Variants in ANTXR2 observed in about 807,000 individuals in gnomAD.
The protein encoded by ANTXR2 is anthrax toxin receptor 2.
A neutral mutation model predicts 73.7 loss-of-function variants in ANTXR2; 44 were observed. The observed-to-expected ratio is 0.60, with a 90% CI of 0.47 to 0.77. ANTXR2 has a LOEUF of 0.77. Among genes scored for constraint, ANTXR2 ranks in the 30% least tolerant of loss-of-function variants. ANTXR2 has a pLI of 0.00. For missense variants in ANTXR2, 604 were observed against 592.5 expected (o/e 1.02, Z -0.20); for synonymous variants, 217 against 205.9 (o/e 1.05, Z -0.46).
At chr4:79,962,921 G>C (rs1316590198) in intron 16 of ANTXR2, among the ~76,000 whole-genome samples, 1 of 152,068 alleles carries the variant, frequency 6.6e-6, no homozygotes, top group Non-Finnish European at 1.5e-5. Flanking sequence ...GTCATTAGCA[G>C]CATAATTCTA....
chr4:80,070,972 T>A (rs1734759215), intron 2 of ANTXR2, among the ~76,000 whole-genome samples: 1 of 152,040 alleles, frequency 6.6e-6, no homozygotes, highest in South Asian at 2.1e-4. Flanking sequence ...AATAAGAGAG[T>A]AAGCTGGATT....
At chr4:80,009,615 C>T (rs1241780656) in intron 11 of ANTXR2, among the ~76,000 whole-genome samples, 1 of 151,868 alleles carries the variant, frequency 6.6e-6, no homozygotes, top group African/African-American at 2.4e-5. Flanking sequence ...TTTGGGAGGC[C>T]GAGGCAGGTG....
intron 10 of ANTXR2, among the ~76,000 whole-genome samples, chr4:80,020,443 G>C (rs1031725144): frequency 1.3e-5 from 2 of 152,042 alleles, no homozygotes; most frequent in Admixed American, 6.6e-5. Flanking sequence ...TCAAGCTGTT[G>C]ACAGAAAGGG....
At chr4:79,959,773 C>A (rs1729076196) in intron 16 of ANTXR2, among the ~76,000 whole-genome samples, 3 of 152,130 alleles carry the variant, frequency 2.0e-5, no homozygotes, top group African/African-American at 7.2e-5. Context: ...AATGTAGTGA[C>A]AACAGGGGGT....
intron 16 of ANTXR2, among the ~76,000 whole-genome samples, chr4:79,931,249 C>T (rs911018255): frequency 3.9e-5 from 6 of 152,110 alleles, no homozygotes; most frequent in African/African-American, 7.2e-5. Context: ...TTGGTTTTAG[C>T]TTCTTTTGCA....
chr4:79,950,705 T>C (rs1216847049), intron 16 of ANTXR2, among the ~76,000 whole-genome samples: 2 of 152,204 alleles, frequency 1.3e-5, no homozygotes, highest in Non-Finnish European at 2.9e-5. Flanking sequence ...ACCAGACTGT[T>C]CCTCAGTCCC....
chr4:80,035,891 A>G (rs997182943), intron 8 of ANTXR2, 81 bp downstream of exon 8: 4 of 1,198,038 alleles, frequency 3.3e-6, no homozygotes, highest in Non-Finnish European at 3.5e-6. Flanking sequence ...TTCTTTTTCC[A>G]ACATGAGTTT....
intron 12 of ANTXR2, among the ~76,000 whole-genome samples, chr4:80,002,721 A>C: frequency 6.6e-6 from 1 of 152,104 alleles, no homozygotes; most frequent in Non-Finnish European, 1.5e-5. Context: ...CAAGAAAAAA[A>C]CCAACAACCC....
At chr4:79,944,680 T>C (rs978062876) in intron 16 of ANTXR2, among the ~76,000 whole-genome samples, 1 of 152,164 alleles carries the variant, frequency 6.6e-6, no homozygotes, top group African/African-American at 2.4e-5. Context: ...TACACATATA[T>C]TTGTGAGTTT....
intron 12 of ANTXR2, 40 bp downstream of exon 12, chr4:80,008,480 CT>C (rs764023910): frequency 1.3e-6 from 2 of 1,484,668 alleles, no homozygotes; most frequent in African/African-American, 2.8e-5. Context: ...TTACATCTTT[CT>C]AATTTTTTTT....
chr4:80,046,852 C>T (rs13132967), intron 7 of ANTXR2, among the ~76,000 whole-genome samples: 9,951 of 151,724 alleles, frequency 0.066, 426 homozygotes, highest in Non-Finnish European at 0.1. Flanking sequence ...GCTTCTGAAT[C>T]AACTGAGAAT....
intron 16 of ANTXR2, among the ~76,000 whole-genome samples, chr4:79,974,266 G>T (rs1729539967): frequency 6.6e-6 from 1 of 152,058 alleles, no homozygotes; most frequent in African/African-American, 2.4e-5. Context: ...AAAAGAATAG[G>T]TATGACGATA....
intron 14 of ANTXR2, among the ~76,000 whole-genome samples, chr4:79,979,614 A>T (rs753348339): frequency 5.3e-5 from 8 of 152,168 alleles, no homozygotes; most frequent in Non-Finnish European, 1.2e-4. Context: ...TATATCTTTC[A>T]GTGTGATCAA....
At chr4:80,023,453 G>C (rs943638825) in intron 10 of ANTXR2, among the ~76,000 whole-genome samples, 4 of 152,154 alleles carry the variant, frequency 2.6e-5, no homozygotes, top group Admixed American at 2.0e-4. Context: ...ATGATAATTG[G>C]GCTGTACTTG....
intron 16 of ANTXR2, among the ~76,000 whole-genome samples, chr4:79,919,898 TATATATATATATATATATATATAAAA>T (rs1468045232): frequency 1.2e-4 from 2 of 16,696 alleles, no homozygotes; most frequent in African/African-American, 5.5e-4. Flanking sequence ...TATATATATA[TATATATATATATATATATATATAAAA>T]AATGATAGGG....
At chr4:80,052,335 T>C (rs1358897679) in intron 7 of ANTXR2, among the ~76,000 whole-genome samples, 2 of 151,646 alleles carry the variant, frequency 1.3e-5, no homozygotes, top group Admixed American at 6.6e-5. Flanking sequence ...TAAGGCAAAA[T>C]TATAGGTTTT....
At chr4:80,046,269 A>T (rs1733511227) in intron 7 of ANTXR2, among the ~76,000 whole-genome samples, 3 of 151,782 alleles carry the variant, frequency 2.0e-5, no homozygotes, top group African/African-American at 7.2e-5. Flanking sequence ...AATAAATCAT[A>T]TTAGCAGTCT....
At chr4:80,012,803 G>A (rs1731656370) in intron 11 of ANTXR2, among the ~76,000 whole-genome samples, 1 of 152,274 alleles carries the variant, frequency 6.6e-6, no homozygotes, top group African/African-American at 2.4e-5. Context: ...ATCAAACCAT[G>A]CACCTCTTTG....
intron 12 of ANTXR2, among the ~76,000 whole-genome samples, chr4:80,003,604 C>T (rs1731161798): frequency 1.3e-5 from 2 of 151,812 alleles, no homozygotes; most frequent in South Asian, 4.2e-4. Flanking sequence ...GGACAAAATA[C>T]ATTTAGAGCC....
Sources: gnomAD v4.1 joint callset for allele counts (sites outside exome capture counted in the v4.1 genomes callset) on GRCh38, gnomAD v4.1.1 for gene constraint, MANE v1.5 for transcripts, NCBI Gene and HGNC (gene_info 2026-07-23, HGNC 2026-07-21) for gene names.